The following IKBIP variants were observed in gnomAD, a reference collection of about 807,000 sequenced individuals.
IKBIP encodes inhibitor of nuclear factor kappa-B kinase-interacting protein.
A neutral mutation model predicts 31.0 loss-of-function variants in IKBIP; 28 were observed. That is an observed-to-expected ratio of 0.90 (90% CI 0.67 to 1.24). The LOEUF (loss-of-function observed/expected upper bound fraction) is 1.24. Among genes scored for constraint, IKBIP ranks in the 50% most tolerant of loss-of-function variants. IKBIP has a pLI of 0.00. For missense variants in IKBIP, 453 were observed against 441.9 expected (o/e 1.03, Z -0.23); for synonymous variants, 164 against 160.3 (o/e 1.02, Z -0.17).
At chr12:98,630,393 A>AAAAAAAAG (rs2097618971) in intron 2 of IKBIP, among the ~76,000 whole-genome samples, 1 of 133,038 alleles carries the variant, frequency 7.5e-6, no homozygotes, top group African/African-American at 2.7e-5. Flanking sequence ...AAAAAAAAAA[A>AAAAAAAAG]AAAAAAAAAA....
rs1396840624 is a variant in IKBIP at position 98,625,724 on chromosome 12, C to G, written c.*206G>C. 4 of 306,874 alleles carry G rather than the reference C, an allele frequency of 1.3e-5. No individual in the cohort carries two copies. The highest frequency in any genetic ancestry group is 2.3e-5 in the Non-Finnish European group (4 of 170,800). 19.0% of individuals were successfully genotyped at this position (306,874 alleles called of 1,614,324 possible). On this transcript the variant is annotated 3_prime_UTR_variant, in exon 3 of 3. Coordinates refer to ENST00000299157, the MANE Select transcript of IKBIP (RefSeq NM_153687.4). ...AAAGTAGAGAAATATTTTTAAAGAA[C>G]TATTTCTATTTCAAATAGTTACAAT...
At position 98,614,019 on chromosome 12, in the gene IKBIP, C is replaced by G. The variant is rs755213909; in HGVS notation, c.619G>C (p.Glu207Gln). Reference sequence around the variant, plus strand: ...CCTATATTTTTTACTGTATTTTTTTCTACTTTCTCTATTTTATTTTCTAGT... The same window carrying G: ...CCTATATTTTTTACTGTATTTTTTTGTACTTTCTCTATTTTATTTTCTAGT... Residue 207 changes from glutamate (E) to glutamine (Q), a missense_variant, in exon 3 of 3, where the codon GAA (glutamate) becomes CAA (glutamine). Glu to Gln is a conservative substitution (Grantham distance 29, BLOSUM62 2). Transcript: ENST00000342502. 3.1e-6 allele frequency: 5 copies of G among 1,608,096 alleles called. No individual in the cohort carries two copies. The East Asian group carries it at 1.1e-4, about 36-fold the overall frequency.
chr12:98,627,671 C>T (rs1022399929), intron 2 of IKBIP, among the ~76,000 whole-genome samples: 3 of 152,092 alleles, frequency 2.0e-5, no homozygotes, highest in Non-Finnish European at 4.4e-5. Context: ...ATCCCCTGAC[C>T]TCGTGATCCG....
At chr12:98,642,688 C>T (rs1284952392) in intron 1 of IKBIP, among the ~76,000 whole-genome samples, 4 of 150,228 alleles carry the variant, frequency 2.7e-5, no homozygotes, top group Non-Finnish European at 4.4e-5. Context: ...GCAACCTCCG[C>T]CTCTTGGGTT....
chr12:98,632,512 A>AAAAAAAATTATATAT (rs1565842287), intron 2 of IKBIP, among the ~76,000 whole-genome samples: 3 of 22,792 alleles, frequency 1.3e-4, no homozygotes, highest in African/African-American at 5.1e-4. Context: ...AAAAAAAAAA[A>AAAAAAAATTATATAT]ATATATATAT....
At chr12:98,620,973 C>T (rs1266223423), downstream of IKBIP, among the ~76,000 whole-genome samples, 5 of 152,064 alleles carry the variant, frequency 3.3e-5, no homozygotes, top group Admixed American at 6.6e-5. Flanking sequence ...AGTGGCCGTG[C>T]GTGGTGGCTC....
At chr12:98,635,289 C>A (rs2097624845) in intron 1 of IKBIP, among the ~76,000 whole-genome samples, 1 of 152,068 alleles carries the variant, frequency 6.6e-6, no homozygotes, top group Non-Finnish European at 1.5e-5. Flanking sequence ...CAGGCATGAG[C>A]CACTGTGCCC....
intron 2 of IKBIP, among the ~76,000 whole-genome samples, chr12:98,633,510 CTTTTTTTTTTTTTTT>C (rs71432181): frequency 2.0e-4 from 12 of 61,372 alleles, no homozygotes; most frequent in Admixed American, 1.3e-3. Flanking sequence ...TTTTTTAATT[CTTTTTTTTTTTTTTT>C]TTTTTTTTTG....
At position 98,634,898 on chromosome 12, in the gene IKBIP, A is replaced by G. The variant is rs536922731; in HGVS notation, c.180-485T>C. Among the ~76,000 whole-genome samples the G allele has an allele frequency of 1.1e-4, 17 of 151,032 alleles. No homozygotes were observed. The East Asian group carries it at 3.3e-3, about 29-fold the overall frequency. On this transcript the variant is annotated intron_variant, in intron 1 of 2. Transcript: ENST00000299157. The stretch of plus-strand genomic sequence containing the variant: ...CTAATTTTTTGTATTTTTAGTAAAG[A>G]CGGGGTTTCACTGTGTTAGCCAGGA...
intron 2 of IKBIP, among the ~76,000 whole-genome samples, chr12:98,631,173 A>T (rs1238657966): frequency 6.6e-6 from 1 of 151,858 alleles, no homozygotes; most frequent in Non-Finnish European, 1.5e-5. Flanking sequence ...ACCTCAGGTG[A>T]TCCACCTGCC....
intron 2 of IKBIP, among the ~76,000 whole-genome samples, chr12:98,615,785 C>T (rs1262820497): frequency 6.6e-6 from 1 of 152,182 alleles, no homozygotes; most frequent in East Asian, 1.9e-4. Flanking sequence ...TTCCACTTAG[C>T]ATAATATCGT....
chr12:98,640,755 CAT>C (rs1048552805), intron 1 of IKBIP, among the ~76,000 whole-genome samples: 2 of 151,688 alleles, frequency 1.3e-5, no homozygotes, highest in Admixed American at 6.6e-5. Context: ...GTCAAGATGA[CAT>C]AGGATATATC....
At chr12:98,634,975 C>T (rs1479470080) in intron 1 of IKBIP, among the ~76,000 whole-genome samples, 1 of 151,016 alleles carries the variant, frequency 6.6e-6, no homozygotes, top group African/African-American at 2.4e-5. Flanking sequence ...TCCCAAAGTG[C>T]TGGGATTACA....
In IKBIP at chr12:98,636,135, C is replaced by T. The variant is rs988438608; in HGVS notation, c.180-1722G>A. Among the ~76,000 whole-genome samples the T allele has an allele frequency of 3.9e-5, 6 of 152,286 alleles. No individual in the cohort carries two copies. The East Asian group carries it at 7.7e-4, about 20-fold the overall frequency. On this transcript the variant is annotated intron_variant, in intron 1 of 2. Coordinates refer to ENST00000299157, the MANE Select transcript of IKBIP (RefSeq NM_153687.4). ...TTCTTTGCATATTGAGTCATCAAAA[C>T]GCAATGGAGCAGAACCATAAGTACC... is the stretch of plus-strand genomic sequence containing the variant.
rs2153296811 is a variant in IKBIP, at chr12:98,626,146, A to G, written c.918T>C (p.Asn306=). ...CTGCTTTCAGCATATCATCTTCCAT[A>G]TTAAACATCTGCATAGTCAAGTCTT... is the stretch of plus-strand genomic sequence containing the variant. ...KMEDLTMQMF[N]MEDDMLKAVS... The change falls in exon 3 of 3, where the codon AAT becomes AAC. Residue 306 remains asparagine (N), a synonymous_variant. Transcript: ENST00000299157. 1 of 1,611,528 alleles carries G rather than the reference A, an allele frequency of 6.2e-7. No homozygotes were observed. Among genetic ancestry groups the G allele is most frequent in the East Asian group, 2.2e-5 (1 of 44,836 alleles).
intron 1 of IKBIP, 121 bp from the exon 2 acceptor site, chr12:98,634,534 GTTT>G (rs370227098): frequency 9.8e-3 from 3,726 of 378,932 alleles, no homozygotes; most frequent in Middle Eastern, 0.016. Context: ...GTAGCTGTAG[GTTT>G]TTTTTTTTTT....
Position 98,624,380 on chromosome 12 carries a change from C to T in IKBIP, c.*1550G>A. On this transcript the variant is annotated 3_prime_UTR_variant, in exon 3 of 3. Transcript: ENST00000299157. ...GACTGCAAAAATTAATGCTATGCCC[C>T]TTAATAACAGAACTCTCCAGGCTTA... 1.0e-6 allele frequency: 1 copy of T among 985,280 alleles called. No individual in the cohort carries two copies. The highest frequency in any genetic ancestry group is 1.2e-6 in the Non-Finnish European group (1 of 829,850). 61.0% of individuals were successfully genotyped at this position (985,280 alleles called of 1,614,324 possible).
At chr12:98,616,817 C>G (rs1029573625) in intron 2 of IKBIP, among the ~76,000 whole-genome samples, 2 of 152,022 alleles carry the variant, frequency 1.3e-5, no homozygotes, top group Admixed American at 6.6e-5. Flanking sequence ...TATTTCTGGG[C>G]TCTCTGTTCC....
intron 2 of IKBIP, among the ~76,000 whole-genome samples, chr12:98,629,023 C>A (rs2097617444): frequency 6.6e-6 from 1 of 152,172 alleles, no homozygotes; most frequent in Non-Finnish European, 1.5e-5. Flanking sequence ...GAATCATTAA[C>A]AGACTGATTG....
Sources: gnomAD v4.1 joint callset for allele counts (sites outside exome capture counted in the v4.1 genomes callset) on GRCh38, gnomAD v4.1.1 for gene constraint, MANE v1.5 for transcripts, NCBI Gene and HGNC (gene_info 2026-07-23, HGNC 2026-07-21) for gene names.